WDPCP: variants seen among roughly 807,000 people sequenced by gnomAD.
WDPCP encodes WD repeat-containing and planar cell polarity effector protein fritz homolog.
Under a neutral mutation model 93.1 loss-of-function variants are expected in WDPCP, and 71 were observed. The ratio of observed to expected loss-of-function variants is 0.76; its 90% CI spans 0.63 to 0.93. The LOEUF (loss-of-function observed/expected upper bound fraction) is 0.93, where lower values mean the gene tolerates loss of function less well. WDPCP is among the 40% of genes least tolerant of loss of function. WDPCP has a pLI of 0.00. For missense variants in WDPCP, 844 were observed against 887.4 expected, an observed-to-expected ratio of 0.95 and a Z score of 0.62; for synonymous variants, 315 against 315.0, an observed-to-expected ratio of 1.00 and a Z score of 0.00.
intron 14 of WDPCP, among the ~76,000 whole-genome samples, chr2:63,239,568 A>G (rs772871157): frequency 1.1e-4 from 17 of 152,216 alleles, no homozygotes; most frequent in Non-Finnish European, 2.1e-4. Context: ...GGGCATAGGA[A>G]GATTACCTTC....
chr2:63,414,020 A>C (rs1317658737), intron 9 of WDPCP, among the ~76,000 whole-genome samples: 1 of 152,184 alleles, frequency 6.6e-6, no homozygotes, highest in Non-Finnish European at 1.5e-5. Flanking sequence ...GGCTAAGGAC[A>C]GGAATGGACA....
intron 17 of WDPCP, among the ~76,000 whole-genome samples, chr2:63,147,604 T>C (rs1671604672): frequency 6.6e-6 from 1 of 152,208 alleles, no homozygotes; most frequent in Non-Finnish European, 1.5e-5. Flanking sequence ...ACATTCACGA[T>C]AGAATTCCAT....
At chr2:63,171,519 AC>A (rs961697271) in intron 15 of WDPCP, among the ~76,000 whole-genome samples, 17 of 152,354 alleles carry the variant, frequency 1.1e-4, no homozygotes, top group African/African-American at 2.6e-4. Flanking sequence ...TAATAAAAAA[AC>A]ATTGACAATA....
chr2:63,575,485 A>ACAGCG (rs1157089103), intron 1 of WDPCP, among the ~76,000 whole-genome samples: 1 of 52,084 alleles, frequency 1.9e-5, no homozygotes. Flanking sequence ...TACAGTGTAT[A>ACAGCG]TATAGTATAT....
intron 2 of WDPCP, among the ~76,000 whole-genome samples, chr2:63,656,179 A>G (rs1710163454): frequency 6.6e-6 from 1 of 152,184 alleles, no homozygotes; most frequent in African/African-American, 2.4e-5. Context: ...GGAAAACAGG[A>G]AGATCCCAAG....
intron 2 of WDPCP, chr2:63,813,582 T>A (rs1670889652): frequency 6.6e-6 from 1 of 152,210 alleles, no homozygotes; most frequent in Admixed American, 6.5e-5. Context: ...TTGAATGAAA[T>A]GCAATTCCCC....
At chr2:63,177,444 T>G (rs944192082) in intron 14 of WDPCP, among the ~76,000 whole-genome samples, 5 of 152,190 alleles carry the variant, frequency 3.3e-5, no homozygotes, top group African/African-American at 1.2e-4. Context: ...TTTAAGTCTT[T>G]TACCTCCTTG....
At chr2:63,793,770 G>A (rs1670576494) in intron 2 of WDPCP, among the ~76,000 whole-genome samples, 1 of 150,696 alleles carries the variant, frequency 6.6e-6, no homozygotes, top group Non-Finnish European at 1.5e-5. Context: ...CCGGGACCAG[G>A]GTAAACCTAT....
chr2:63,594,243 A>T, intron 3 of WDPCP: 1 of 583,920 alleles, frequency 1.7e-6, no homozygotes, highest in Non-Finnish European at 3.3e-6. Flanking sequence ...AAAATATCCC[A>T]AAAAAGGTGG....
chr2:63,361,128 C>T lies in WDPCP; in HGVS notation c.1748+17258G>A, dbSNP rs141155289. Among the ~76,000 whole-genome samples the T allele has an allele frequency of 9.9e-5, 15 of 152,184 alleles. No individual in the cohort carries two copies. In the East Asian group the frequency reaches 2.9e-3, roughly 29 times the overall value. ...GGACCAGGTCAGAATTCATAGTGAC[C>T]TTAATCACCTAGCACATGTAGTTAG... On this transcript the variant is annotated intron_variant, in intron 12 of 17. Transcript: ENST00000272321.
At chr2:63,663,505 G>A (rs1341326640) in intron 2 of WDPCP, among the ~76,000 whole-genome samples, 2 of 152,200 alleles carry the variant, frequency 1.3e-5, no homozygotes, top group African/African-American at 4.8e-5. Context: ...TAGAGAGAGA[G>A]GAAGCAGAGA....
At chr2:63,480,328 T>G (rs927922473) in intron 6 of WDPCP, among the ~76,000 whole-genome samples, 48 of 151,960 alleles carry the variant, frequency 3.2e-4, no homozygotes, top group African/African-American at 1.1e-3. Context: ...AGTCTACAAA[T>G]TCAATGTAAT....
chr2:63,371,927 C>T (rs1691427765), intron 12 of WDPCP, among the ~76,000 whole-genome samples: 1 of 152,096 alleles, frequency 6.6e-6, no homozygotes, highest in Non-Finnish European at 1.5e-5. Flanking sequence ...GTATTTTACC[C>T]ACTTATTTAT....
At chr2:63,732,113 C>T (rs1669569072) in intron 2 of WDPCP, among the ~76,000 whole-genome samples, 4 of 152,060 alleles carry the variant, frequency 2.6e-5, no homozygotes, top group Admixed American at 2.6e-4. Flanking sequence ...GACACTCTTA[C>T]AATAAAGTAG....
At chr2:63,735,340 T>C (rs1669623458) in intron 2 of WDPCP, among the ~76,000 whole-genome samples, 1 of 152,062 alleles carries the variant, frequency 6.6e-6, no homozygotes, top group African/African-American at 2.4e-5. Context: ...AGGTAGAATC[T>C]GAACAGGTAG....
intron 2 of WDPCP, among the ~76,000 whole-genome samples, chr2:63,675,215 C>T (rs1412723858): frequency 2.6e-5 from 4 of 152,192 alleles, no homozygotes; most frequent in Non-Finnish European, 5.9e-5. Flanking sequence ...CATCTGCCTA[C>T]ATGCCTCCTT....
At chr2:63,798,414 G>A (rs1477661807) in intron 2 of WDPCP, among the ~76,000 whole-genome samples, 2 of 152,120 alleles carry the variant, frequency 1.3e-5, no homozygotes, top group African/African-American at 4.8e-5. Flanking sequence ...ATGTTAAAAA[G>A]CAGGGGGAAG....
intron 2 of WDPCP, among the ~76,000 whole-genome samples, chr2:63,700,298 A>AAC (rs1558887430): frequency 9.6e-6 from 1 of 104,128 alleles, no homozygotes; most frequent in African/African-American, 3.2e-5. Flanking sequence ...AAAAAAAAAA[A>AAC]AAAAACAAAA....
intron 13 of WDPCP, among the ~76,000 whole-genome samples, chr2:63,303,726 G>A (rs893645241): frequency 1.3e-5 from 2 of 152,232 alleles, no homozygotes; most frequent in Non-Finnish European, 2.9e-5. Flanking sequence ...ATGCATATTG[G>A]TCTTGGCTCT....
Sources: gnomAD v4.1 joint callset for allele counts (sites outside exome capture counted in the v4.1 genomes callset) on GRCh38, gnomAD v4.1.1 for gene constraint, MANE v1.5 for transcripts, NCBI Gene and HGNC (gene_info 2026-07-23, HGNC 2026-07-21) for gene names.